FNBP1: variants seen among roughly 807,000 people sequenced by gnomAD.
The protein encoded by FNBP1 is formin binding protein 1.
Under a neutral mutation model 90.6 loss-of-function variants are expected in FNBP1, and 26 were observed. The ratio of observed to expected loss-of-function variants is 0.29; its 90% CI spans 0.21 to 0.40. The LOEUF is 0.40. Ranked by LOEUF, FNBP1 falls within the 10% of genes least tolerant of loss-of-function variation. The pLI is 1.00. For missense variants in FNBP1, 635 were observed against 768.0 expected (o/e 0.83, Z 2.05); for synonymous variants, 260 against 265.2 (o/e 0.98, Z 0.19).
intron 1 of FNBP1, among the ~76,000 whole-genome samples, chr9:129,995,501 CAA>C (rs2053852479): frequency 1.3e-5 from 2 of 152,150 alleles, no homozygotes; most frequent in Non-Finnish European, 2.9e-5. Context: ...CCAAAATGAA[CAA>C]AAATACAGCC....
At chr9:129,991,470 G>A (rs1045458297) in intron 2 of FNBP1, among the ~76,000 whole-genome samples, 10 of 151,274 alleles carry the variant, frequency 6.6e-5, no homozygotes, top group East Asian at 3.9e-4. Flanking sequence ...GCAGGGTCTC[G>A]CTATGTTGCT....
chr9:129,908,814 A>G (rs1468724534), intron 12 of FNBP1, 76 bp downstream of exon 12: 3 of 939,938 alleles, frequency 3.2e-6, no homozygotes, highest in Admixed American at 4.1e-5. Context: ...CAGCCTCCCA[A>G]AGTGCTGGGA....
intron 6 of FNBP1, among the ~76,000 whole-genome samples, chr9:129,951,875 GAAC>G (rs1482148213): frequency 6.6e-6 from 1 of 152,004 alleles, no homozygotes; most frequent in Non-Finnish European, 1.5e-5. Context: ...CAGTGAACTT[GAAC>G]AATACCGTGA....
intron 10 of FNBP1, among the ~76,000 whole-genome samples, chr9:129,917,953 T>G (rs370551803): frequency 5.9e-5 from 9 of 152,376 alleles, no homozygotes; most frequent in African/African-American, 2.2e-4. Context: ...CAAGGCACAC[T>G]ATCATATACA....
intron 1 of FNBP1, among the ~76,000 whole-genome samples, chr9:130,003,424 C>T (rs562510722): frequency 1.2e-4 from 18 of 151,792 alleles, no homozygotes; most frequent in Non-Finnish European, 2.4e-4. Flanking sequence ...GCCAATATGA[C>T]GAAACCCTGT....
intron 10 of FNBP1, among the ~76,000 whole-genome samples, chr9:129,923,504 G>C (rs1249367598): frequency 1.3e-5 from 2 of 151,254 alleles, no homozygotes; most frequent in Non-Finnish European, 2.9e-5. Flanking sequence ...GCTTAAACCC[G>C]GGAGGTGGAG....
intron 4 of FNBP1, among the ~76,000 whole-genome samples, chr9:129,977,741 C>T (rs958587629): frequency 6.6e-6 from 1 of 152,148 alleles, no homozygotes; most frequent in Admixed American, 6.5e-5. Context: ...ATCCATCTGC[C>T]TAGGCTTCCC....
At chr9:129,996,725 A>G (rs1039039033) in intron 1 of FNBP1, among the ~76,000 whole-genome samples, 1 of 152,132 alleles carries the variant, frequency 6.6e-6, no homozygotes, top group African/African-American at 2.4e-5. Context: ...TTTGAGACAG[A>G]GTCGTGCTCT....
intron 1 of FNBP1, among the ~76,000 whole-genome samples, chr9:130,015,297 ATG>A (rs1187618909): frequency 6.6e-6 from 1 of 152,222 alleles, no homozygotes; most frequent in Non-Finnish European, 1.5e-5. Context: ...GTACAGAGCT[ATG>A]AAGAAATATC....
At chr9:130,019,222 T>G (rs897452592) in intron 1 of FNBP1, among the ~76,000 whole-genome samples, 13 of 151,260 alleles carry the variant, frequency 8.6e-5, no homozygotes, top group African/African-American at 3.2e-4. Context: ...AGAGTTAGAC[T>G]TCCAGGAGAC....
At chr9:129,905,691 A>C (rs563412953) in intron 12 of FNBP1, among the ~76,000 whole-genome samples, 123 of 152,284 alleles carry the variant, frequency 8.1e-4, no homozygotes, top group African/African-American at 2.8e-3. Flanking sequence ...AAGTGAGCTA[A>C]GGCTCAGTGA....
At chr9:130,036,976 C>G (rs1471010496) in intron 1 of FNBP1, among the ~76,000 whole-genome samples, 10 of 151,568 alleles carry the variant, frequency 6.6e-5, no homozygotes, top group Admixed American at 6.6e-4. Context: ...ACCTGGGAGG[C>G]CGAGCTTGCA....
In FNBP1 at chr9:129,934,077, A is replaced by C. The variant is rs2043115431; in HGVS notation, c.514-4382T>G. On this transcript the variant is annotated intron_variant, in intron 6 of 16. Transcript: ENST00000446176. Reference sequence around the variant, plus strand: ...GTATTTTGGAGAACTTATTTGGGATAACAGTTAATGGTATTTTGGAGACTA... The same window carrying C: ...GTATTTTGGAGAACTTATTTGGGATCACAGTTAATGGTATTTTGGAGACTA... 2.6e-5 allele frequency among the ~76,000 whole-genome samples: 4 copies of C among 152,354 alleles called. No individual in the cohort carries two copies. The South Asian group carries it at 8.3e-4, about 32-fold the overall frequency.
intron 6 of FNBP1, among the ~76,000 whole-genome samples, chr9:129,951,524 CT>C (rs1409296535): frequency 6.6e-6 from 1 of 151,964 alleles, no homozygotes; most frequent in Non-Finnish European, 1.5e-5. Context: ...TCACTGAAAC[CT>C]CTGCTTCTTA....
chr9:129,893,882 C>T (rs2035385222), intron 16 of FNBP1, among the ~76,000 whole-genome samples: 1 of 147,636 alleles, frequency 6.8e-6, no homozygotes, highest in Non-Finnish European at 1.5e-5. Flanking sequence ...TGCCACCGCA[C>T]TCCATCCTGG....
chr9:130,001,324 CAA>C (rs748630037), intron 1 of FNBP1, among the ~76,000 whole-genome samples: 9 of 10,912 alleles, frequency 8.2e-4, no homozygotes, highest in East Asian at 0.013. Flanking sequence ...AAAAACAAAA[CAA>C]AACAAAAAAA....
intron 6 of FNBP1, among the ~76,000 whole-genome samples, chr9:129,955,935 A>T (rs1280611836): frequency 2.0e-5 from 3 of 151,930 alleles, no homozygotes; most frequent in African/African-American, 7.2e-5. Context: ...GGCTAATCTA[A>T]CTTATTTTAA....
At chr9:129,939,201 C>A in intron 6 of FNBP1, among the ~76,000 whole-genome samples, 2 of 151,920 alleles carry the variant, frequency 1.3e-5, no homozygotes, top group Non-Finnish European at 2.9e-5. Context: ...CCAGCCTGAC[C>A]AATATGATGA....
chr9:129,888,126 G>A lies in FNBP1; in HGVS notation c.*2413C>T, dbSNP rs555683714. ...TTTAAAAAACAGGCGGAGGAGTGAC[G>A]GGGGGATACAAGCATATCCTATACT... On this transcript the variant is annotated 3_prime_UTR_variant, in exon 17 of 17. Coordinates refer to ENST00000446176, the MANE Select transcript of FNBP1 (RefSeq NM_015033.3). The A allele has an allele frequency of 8.6e-5, 20 of 232,512 alleles. No homozygotes were observed. The highest frequency in any genetic ancestry group is 3.1e-4 in the African/African-American group (14 of 45,414). 14.4% of individuals were successfully genotyped at this position (232,512 alleles called of 1,614,324 possible).
Sources: allele counts gnomAD v4.1 joint callset (sites outside exome capture counted in the v4.1 genomes callset), GRCh38; gene constraint gnomAD v4.1.1; transcripts MANE v1.5; gene names NCBI Gene and HGNC (gene_info 2026-07-23, HGNC 2026-07-21).